KRABD3: variants seen among roughly 807,000 people sequenced by gnomAD.
KRABD3 encodes the protein KRAB domain-containing protein 3.
the KRABD3 span, among the ~76,000 whole-genome samples, chr7:149,731,455 G>A: frequency 2.6e-5 from 4 of 152,150 alleles, no homozygotes; most frequent in Admixed American, 6.5e-5. Context: ...TCCTCCTGCC[G>A]GAGCCCCCTG....
chr7:149,717,635 C>T, the KRABD3 span, among the ~76,000 whole-genome samples: 9 of 152,324 alleles, frequency 5.9e-5, no homozygotes, highest in East Asian at 1.5e-3. Context: ...TGCCCATCAG[C>T]CTCTGGGCCT....
the KRABD3 span, chr7:149,722,909 C>G: frequency 3.7e-5 from 59 of 1,612,890 alleles, no homozygotes; most frequent in Admixed American, 2.8e-4. Context: ...CTGGGCACGT[C>G]CAGGCTAACC....
At chr7:149,725,466 AC>A in the KRABD3 span, 1 of 1,610,398 alleles carries the variant, frequency 6.2e-7, no homozygotes. Flanking sequence ...CTGAACTGCA[AC>A]CCCACAGATC....
chr7:149,729,768 C>T, the KRABD3 span: 1 of 985,338 alleles, frequency 1.0e-6, no homozygotes, highest in Non-Finnish European at 1.2e-6. Context: ...GAGGATGGGC[C>T]CTAACTGAGC....
chr7:149,728,410 C>CCCAGCACCCCTGTGA, the KRABD3 span: 1 of 1,245,102 alleles, frequency 8.0e-7, no homozygotes, highest in Admixed American at 2.0e-5. Flanking sequence ...GTGCTCTGTG[C>CCCAGCACCCCTGTGA]CCAGCACCCC....
At chr7:149,720,792 G>T in the KRABD3 span, 1 of 1,539,612 alleles carries the variant, frequency 6.5e-7, no homozygotes. Context: ...TGAGTGCTGA[G>T]CAGCCGCAGG....
chr7:149,722,103 TTCTGTGTGCCC>T, the KRABD3 span: 1 of 433,230 alleles, frequency 2.3e-6, no homozygotes, highest in Non-Finnish European at 4.3e-6. Context: ...TGCTCTGGGG[TTCTGTGTGCCC>T]TGTGTGTGCC....
chr7:149,715,806 G>T, the KRABD3 span, among the ~76,000 whole-genome samples: 3 of 152,178 alleles, frequency 2.0e-5, no homozygotes, highest in African/African-American at 7.2e-5. Flanking sequence ...GAGAGGCTAG[G>T]CAAATTGGAT....
At chr7:149,734,499 G>A in the KRABD3 span, 2 of 162,284 alleles carry the variant, frequency 1.2e-5, no homozygotes, top group Non-Finnish European at 2.7e-5. Flanking sequence ...GATTTCATTT[G>A]AGAGAACTCA....
the KRABD3 span, among the ~76,000 whole-genome samples, chr7:149,717,922 C>T: frequency 3.9e-5 from 6 of 152,184 alleles, no homozygotes; most frequent in African/African-American, 1.4e-4. Flanking sequence ...CCTCAGCCTC[C>T]CAAGTAGCTG....
the KRABD3 span, chr7:149,725,259 A>G: frequency 6.7e-7 from 1 of 1,487,386 alleles, no homozygotes; most frequent in East Asian, 2.5e-5. Flanking sequence ...CAGGGGTCTG[A>G]TGGGCAAGGC....
chr7:149,722,955 A>C, the KRABD3 span: 1 of 1,585,136 alleles, frequency 6.3e-7, no homozygotes, highest in South Asian at 1.1e-5. Context: ...CGCCCTGGGC[A>C]GGTGAGTTCT....
the KRABD3 span, among the ~76,000 whole-genome samples, chr7:149,726,975 G>A: frequency 6.6e-6 from 1 of 152,174 alleles, no homozygotes; most frequent in Non-Finnish European, 1.5e-5. Flanking sequence ...AGAATTGCCT[G>A]TAATATCAAA....
chr7:149,724,702 G>A, the KRABD3 span: 26 of 1,549,860 alleles, frequency 1.7e-5, no homozygotes, highest in South Asian at 1.3e-4. Context: ...TGGAGCTGGC[G>A]GTCTGCTCTC....
At chr7:149,727,145 C>T in the KRABD3 span, among the ~76,000 whole-genome samples, 2 of 152,168 alleles carry the variant, frequency 1.3e-5, no homozygotes, top group Admixed American at 6.5e-5. Context: ...CTTTTTATTT[C>T]CCCCACCTGG....
the KRABD3 span, chr7:149,719,718 G>A: frequency 9.5e-6 from 15 of 1,572,662 alleles, no homozygotes; most frequent in South Asian, 4.6e-5. This position sits in a 1 kb window ranked among gnomAD's most constrained non-coding sequence, Gnocchi z 5.6. Context: ...CCTGGTGGGC[G>A]GTGGAAGGGA....
At chr7:149,717,157 C>A in the KRABD3 span, among the ~76,000 whole-genome samples, 1 of 151,760 alleles carries the variant, frequency 6.6e-6, no homozygotes, top group Non-Finnish European at 1.5e-5. Context: ...AGAGCTCAGA[C>A]CTGCCTTGCC....
chr7:149,721,277 C>T, the KRABD3 span: 3 of 1,380,196 alleles, frequency 2.2e-6, no homozygotes, highest in Non-Finnish European at 2.9e-6. Context: ...TGGCTGACAT[C>T]CTGGTCATTG....
the KRABD3 span, chr7:149,730,396 C>T: frequency 1.3e-6 from 2 of 1,567,222 alleles, no homozygotes; most frequent in Non-Finnish European, 1.7e-6. Flanking sequence ...CGCCAGTCAC[C>T]ACTCTGATGC....
Sources: gnomAD v4.1 joint callset for allele counts (sites outside exome capture counted in the v4.1 genomes callset) on GRCh38, gnomAD v4.1.1 for gene constraint, Gnocchi (gnomAD v3.1) non-coding constraint, MANE v1.5 for transcripts, NCBI Gene and HGNC (gene_info 2026-07-23, HGNC 2026-07-21) for gene names.